Variants in ELAVL2 observed in about 807,000 individuals in gnomAD.
ELAVL2 encodes ELAV-like protein 2.
Under a neutral mutation model 34.6 loss-of-function variants are expected in ELAVL2, and 4 were observed. The ratio of observed to expected loss-of-function variants is 0.12; its 90% CI spans 0.06 to 0.26. ELAVL2 has a LOEUF of 0.26. ELAVL2 is among the 10% of genes least tolerant of loss of function. The pLI is 1.00. For missense variants in ELAVL2, 432 were observed against 442.8 expected (o/e 0.98, Z 0.22); for synonymous variants, 193 against 154.8 (o/e 1.25, Z -1.83).
rs143326431 is a variant in ELAVL2 at position 23,690,401 on chromosome 9, C to A, written c.*2156G>T. 6.6e-6 allele frequency: 1 copy of A among 152,410 alleles called. No homozygotes were observed. The highest frequency in any genetic ancestry group is 2.4e-5 in the African/African-American group (1 of 41,444). The allele number at this position is 152,410 out of a possible 1,614,324, so 9.4% of individuals were successfully genotyped here. ...GCTGCTGTTTTCCCTTGAGGGAAAC[C>A]TTATTATTTTTTTTTAAGTATATAC... On this transcript the variant is annotated 3_prime_UTR_variant, in exon 7 of 7. Transcript: ENST00000397312.
chr9:23,743,226 A>G (rs997462670), intron 2 of ELAVL2, among the ~76,000 whole-genome samples: 3 of 152,204 alleles, frequency 2.0e-5, no homozygotes, highest in Admixed American at 2.0e-4. Context: ...AACCACTCTG[A>G]GACCACAGGG....
chr9:23,803,222 C>A (rs1350794232), intron 1 of ELAVL2, among the ~76,000 whole-genome samples: 1 of 152,182 alleles, frequency 6.6e-6, no homozygotes, highest in Non-Finnish European at 1.5e-5. Flanking sequence ...AAACGTGAAT[C>A]ATCTCAACTG....
At chr9:23,725,492 C>A (rs976671653) in intron 3 of ELAVL2, among the ~76,000 whole-genome samples, 1 of 152,150 alleles carries the variant, frequency 6.6e-6, no homozygotes, top group African/African-American at 2.4e-5. Flanking sequence ...AAGCCCTTAG[C>A]GTAGCTTTAC....
At chr9:23,792,968 G>T (rs1256989059) in intron 1 of ELAVL2, among the ~76,000 whole-genome samples, 1 of 151,840 alleles carries the variant, frequency 6.6e-6, no homozygotes, top group African/African-American at 2.4e-5. Flanking sequence ...TAGACACAGG[G>T]TCCTCACTAT....
intron 2 of ELAVL2, among the ~76,000 whole-genome samples, chr9:23,739,940 T>A (rs902804676): frequency 3.3e-5 from 5 of 151,962 alleles, no homozygotes; most frequent in African/African-American, 1.2e-4. Flanking sequence ...TATGTCAGAG[T>A]CCCTGCAAAC....
intron 2 of ELAVL2, among the ~76,000 whole-genome samples, chr9:23,731,456 A>G (rs1340997238): frequency 6.6e-6 from 1 of 152,176 alleles, no homozygotes; most frequent in East Asian, 1.9e-4. Flanking sequence ...TCTCTGTGCT[A>G]TGGAGAGGGC....
chr9:23,723,739 CCTT>C lies in ELAVL2; in HGVS notation c.333+7280_333+7282del, dbSNP rs111291463. 2.2e-4 allele frequency among the ~76,000 whole-genome samples: 34 copies of C among 152,180 alleles called. 2 individuals carry two copies. The highest frequency in any genetic ancestry group is 7.7e-4 in the African/African-American group (32 of 41,514). On this transcript the variant is annotated intron_variant, in intron 3 of 6. Transcript: ENST00000397312. ...TTTGCTTGAATCTCTTCCTCAGCCT[CCTT>C]ATTATTCGGAAACCAATTTTGCACT...
chr9:23,797,020 A>C (rs1210290264), intron 1 of ELAVL2, among the ~76,000 whole-genome samples: 1 of 152,218 alleles, frequency 6.6e-6, no homozygotes, highest in East Asian at 1.9e-4. Flanking sequence ...CACAAGCATG[A>C]CATGGTAGCC....
chr9:23,848,372 G>GT, the ELAVL2 span, among the ~76,000 whole-genome samples: 1 of 152,046 alleles, frequency 6.6e-6, no homozygotes, highest in Non-Finnish European at 1.5e-5. Flanking sequence ...TTTCACAAAT[G>GT]TTACTAAATT....
chr9:23,761,258 A>T (rs1440550924), intron 2 of ELAVL2, among the ~76,000 whole-genome samples: 2 of 152,094 alleles, frequency 1.3e-5, no homozygotes, highest in Admixed American at 1.3e-4. Flanking sequence ...TTAACTTCAT[A>T]TGTATGTCTA....
intron 3 of ELAVL2, among the ~76,000 whole-genome samples, chr9:23,706,059 G>C (rs2039240644): frequency 6.6e-6 from 1 of 152,150 alleles, no homozygotes; most frequent in Admixed American, 6.5e-5. Context: ...TTGAATGTGT[G>C]AACAAGCCCT....
chr9:23,707,097 T>C (rs2039569142), intron 3 of ELAVL2, among the ~76,000 whole-genome samples: 1 of 152,224 alleles, frequency 6.6e-6, no homozygotes. Flanking sequence ...TAACTATTCA[T>C]ACGCTATTTG....
the ELAVL2 span, among the ~76,000 whole-genome samples, chr9:23,841,163 A>T: frequency 6.6e-6 from 1 of 152,138 alleles, no homozygotes; most frequent in African/African-American, 2.4e-5. Context: ...CAATGTCAGT[A>T]GAGGTGGCAG....
upstream of ELAVL2, chr9:23,829,879 A>G (rs2065444071): frequency 1.3e-5 from 2 of 152,122 alleles, no homozygotes; most frequent in African/African-American, 2.4e-5. Flanking sequence ...TGTCTTGGGA[A>G]TGTTTTATTC....
In ELAVL2 at chr9:23,705,051, A is replaced by C; in HGVS notation, c.354T>G (p.Ser118Arg). 6.2e-7 allele frequency: 1 copy of C among 1,614,140 alleles called. No homozygotes were observed. The highest frequency in any genetic ancestry group is 8.5e-7 in the Non-Finnish European group (1 of 1,180,002). The change falls in exon 4 of 7, where the codon AGT becomes AGG. Residue 118 changes from serine (S) to arginine (R), a missense_variant. Around this residue, in one of 3 missense-constraint regions of ELAVL2, gnomAD observed 295 missense variants for 306.1 expected, o/e 0.96. Coordinates refer to ENST00000397312, the MANE Select transcript of ELAVL2 (RefSeq NM_004432.5). ...AATTTGCATCTCTGATAGAAGCTGA[A>C]CTTGGGCGAGCATAGGAAACCTGGA... ...KTIKVSYARP[S>R]SASIRDANLY...
At chr9:23,722,836 A>C (rs1356552214) in intron 3 of ELAVL2, among the ~76,000 whole-genome samples, 3 of 152,244 alleles carry the variant, frequency 2.0e-5, no homozygotes, top group Non-Finnish European at 4.4e-5. Flanking sequence ...TAATAGTCCT[A>C]TGAAATTTGT....
At chr9:23,732,928 G>C (rs1224008891) in intron 2 of ELAVL2, among the ~76,000 whole-genome samples, 1 of 151,990 alleles carries the variant, frequency 6.6e-6, no homozygotes, top group Admixed American at 6.6e-5. Context: ...CATGCTTACT[G>C]TTAAAGATTT....
chr9:23,780,969 C>T (rs996433809), intron 1 of ELAVL2, among the ~76,000 whole-genome samples: 4 of 152,110 alleles, frequency 2.6e-5, no homozygotes, highest in Non-Finnish European at 5.9e-5. Context: ...GAAAAAAAGA[C>T]TAGAACGAAG....
intron 1 of ELAVL2, among the ~76,000 whole-genome samples, chr9:23,815,847 GTGAT>G (rs2063629796): frequency 6.6e-6 from 1 of 152,128 alleles, no homozygotes; most frequent in African/African-American, 2.4e-5. Flanking sequence ...CCTTATGTGT[GTGAT>G]TATTTGTTTA....
Sources: allele counts gnomAD v4.1 joint callset (sites outside exome capture counted in the v4.1 genomes callset), GRCh38; gene constraint gnomAD v4.1.1; regional missense constraint gnomAD v4.1.1; transcripts MANE v1.5; gene names NCBI Gene and HGNC (gene_info 2026-07-23, HGNC 2026-07-21).